EIF4EBP1: variants seen among roughly 807,000 people sequenced by gnomAD.
EIF4EBP1 encodes eukaryotic translation initiation factor 4E-binding protein 1.
EIF4EBP1 carries 5 observed loss-of-function variants against 9.2 expected under a neutral mutation model. That is an observed-to-expected ratio of 0.54 (90% CI 0.28 to 1.14). EIF4EBP1 has a LOEUF of 1.14. EIF4EBP1 is among the 50% of genes most tolerant of loss of function. The probability of loss-of-function intolerance (pLI) is 0.09; values close to 1 mark genes in which losing one functional copy is unlikely to be tolerated. For synonymous variants in EIF4EBP1, 62 were observed against 67.0 expected (o/e 0.93, Z 0.36); for missense variants, 139 against 169.6 (o/e 0.82, Z 1.00).
chr8:38,030,966 TAA>T, intron 1 of EIF4EBP1, among the ~76,000 whole-genome samples: 1 of 152,252 alleles, frequency 6.6e-6, no homozygotes, highest in Middle Eastern at 3.4e-3. Flanking sequence ...AGCTGACACC[TAA>T]CAAACACGCA....
chr8:38,037,738 G>C (rs1048399305), intron 1 of EIF4EBP1, among the ~76,000 whole-genome samples: 1 of 152,082 alleles, frequency 6.6e-6, no homozygotes, highest in Admixed American at 6.6e-5. Flanking sequence ...CCCAGGGGCA[G>C]AAACTAACTT....
chr8:38,051,440 T>C (rs910629793), intron 1 of EIF4EBP1, among the ~76,000 whole-genome samples: 1 of 152,172 alleles, frequency 6.6e-6, no homozygotes, highest in African/African-American at 2.4e-5. Flanking sequence ...GTCATGGCTC[T>C]GCCATCTTGA....
At chr8:38,041,450 T>C (rs1256042112) in intron 1 of EIF4EBP1, among the ~76,000 whole-genome samples, 1 of 152,132 alleles carries the variant, frequency 6.6e-6, no homozygotes, top group Admixed American at 6.6e-5. Flanking sequence ...CAAACAGGAA[T>C]GGGAGGAGTG....
intron 1 of EIF4EBP1, among the ~76,000 whole-genome samples, chr8:38,033,840 G>A (rs1322510141): frequency 2.1e-5 from 3 of 139,574 alleles, no homozygotes. Context: ...TCCGCCTCCC[G>A]GGTTCACGCC....
intron 1 of EIF4EBP1, 93 bp downstream of exon 1, chr8:38,030,811 C>T: frequency 7.4e-7 from 1 of 1,354,942 alleles, no homozygotes; most frequent in Non-Finnish European, 9.5e-7. Flanking sequence ...GGCTCAAGGG[C>T]GCCGTGATTG....
At position 38,060,004 on chromosome 8, in the gene EIF4EBP1, C is replaced by G. The variant is rs1809651902; in HGVS notation, c.*69C>G. On this transcript the variant is annotated 3_prime_UTR_variant, in exon 3 of 3. Transcript: ENST00000338825. ...GCCTTCCTGGGAGGAGTCCCACCAG[C>G]CAGGCCTTATGAAAGTGATCATACT... 2 of 1,488,028 alleles carry G rather than the reference C, an allele frequency of 1.3e-6. No individual in the cohort carries two copies. The highest frequency in any genetic ancestry group is 1.4e-5 in the African/African-American group (1 of 72,476). 92.2% of individuals were successfully genotyped at this position (1,488,028 alleles called of 1,614,324 possible).
chr8:38,056,405 A>G (rs536072676), intron 1 of EIF4EBP1, among the ~76,000 whole-genome samples: 5 of 152,310 alleles, frequency 3.3e-5, no homozygotes, highest in African/African-American at 1.2e-4. Flanking sequence ...AGGACTGAAT[A>G]ATGACTAGAA....
intron 1 of EIF4EBP1, 124 bp from the exon 2 acceptor site, chr8:38,056,957 C>T: frequency 9.7e-7 from 1 of 1,034,632 alleles, no homozygotes; most frequent in East Asian, 2.5e-5. Flanking sequence ...GCCACCGCAC[C>T]CAGCCTCCTC....
At chr8:38,051,861 T>C (rs1427316512) in intron 1 of EIF4EBP1, among the ~76,000 whole-genome samples, 1 of 152,196 alleles carries the variant, frequency 6.6e-6, no homozygotes, top group Non-Finnish European at 1.5e-5. Context: ...CCTCCCAAAG[T>C]GCTGGGATTA....
intron 1 of EIF4EBP1, among the ~76,000 whole-genome samples, chr8:38,045,486 C>G (rs1809437526): frequency 6.6e-6 from 1 of 151,080 alleles, no homozygotes; most frequent in African/African-American, 2.4e-5. Context: ...GGGGGGATTG[C>G]TTGAGCCCAC....
In EIF4EBP1 at chr8:38,042,818, C is replaced by T. The variant is rs1029117709; in HGVS notation, c.145+12100C>T. 3.9e-5 allele frequency among the ~76,000 whole-genome samples: 6 copies of T among 152,152 alleles called. No individual in the cohort carries two copies. In the East Asian group the frequency reaches 5.8e-4, roughly 15 times the overall value. On this transcript the variant is annotated intron_variant, in intron 1 of 2. Transcript: ENST00000338825. The stretch of plus-strand genomic sequence containing the variant: ...GTGGCTCATGCCTGTAATCCCAGCA[C>T]TTTGGGAGGTCAAGGCGGGCAGATC...
intron 1 of EIF4EBP1, among the ~76,000 whole-genome samples, chr8:38,034,643 C>T (rs562523797): frequency 2.0e-5 from 3 of 152,160 alleles, no homozygotes; most frequent in Non-Finnish European, 2.9e-5. Context: ...GCCAAAGACC[C>T]GTACCTGGAT....
chr8:38,052,126 C>T (rs1300769151), intron 1 of EIF4EBP1, among the ~76,000 whole-genome samples: 2 of 152,232 alleles, frequency 1.3e-5, no homozygotes, highest in East Asian at 3.8e-4. Flanking sequence ...TCAGACCACA[C>T]CTGACCAGCA....
At chr8:38,056,882 C>T (rs1809602516) in intron 1 of EIF4EBP1, among the ~76,000 whole-genome samples, 199 bp from the exon 2 acceptor site, 1 of 152,022 alleles carries the variant, frequency 6.6e-6, no homozygotes, top group Non-Finnish European at 1.5e-5. Context: ...AGGCTGGTCT[C>T]GAACTCCTGA....
chr8:38,056,952 C>T (rs1216593977), intron 1 of EIF4EBP1, 129 bp from the exon 2 acceptor site: 53 of 948,534 alleles, frequency 5.6e-5, no homozygotes, highest in Admixed American at 5.0e-4. Flanking sequence ...CATGAGCCAC[C>T]GCACCCAGCC....
At chr8:38,037,861 C>A (rs1352997040) in intron 1 of EIF4EBP1, among the ~76,000 whole-genome samples, 2 of 151,984 alleles carry the variant, frequency 1.3e-5, no homozygotes, top group Non-Finnish European at 2.9e-5. Flanking sequence ...GCAGTCTCAA[C>A]CCCCTGAGCT....
At chr8:38,033,896 G>A (rs556873820) in intron 1 of EIF4EBP1, among the ~76,000 whole-genome samples, 20 of 151,980 alleles carry the variant, frequency 1.3e-4, no homozygotes, top group Middle Eastern at 3.4e-3. Context: ...ACAGGCGCCC[G>A]CGATCAAGCC....
chr8:38,046,434 TG>T (rs931042923), intron 1 of EIF4EBP1, among the ~76,000 whole-genome samples: 72 of 152,286 alleles, frequency 4.7e-4, no homozygotes, highest in African/African-American at 1.7e-3. Flanking sequence ...TTGGTTTCCG[TG>T]GGCCTAAAAA....
At chr8:38,038,587 C>T (rs901386664) in intron 1 of EIF4EBP1, among the ~76,000 whole-genome samples, 5 of 151,906 alleles carry the variant, frequency 3.3e-5, no homozygotes, top group Non-Finnish European at 5.9e-5. Flanking sequence ...ACTGCAACCT[C>T]CGCCTCTCAG....
Sources: allele counts gnomAD v4.1 joint callset (sites outside exome capture counted in the v4.1 genomes callset), GRCh38; gene constraint gnomAD v4.1.1; transcripts MANE v1.5; gene names NCBI Gene and HGNC (gene_info 2026-07-23, HGNC 2026-07-21).